RPA3: variants seen among roughly 807,000 people sequenced by gnomAD.
RPA3 encodes replication protein A 14 kDa subunit.
A neutral mutation model predicts 13.7 loss-of-function variants in RPA3; 24 were observed. That is an observed-to-expected ratio of 1.75 (90% CI 1.27 to 2.46). The LOEUF (loss-of-function observed/expected upper bound fraction) is 2.46. Ranked by LOEUF, RPA3 falls within the 30% of genes most tolerant of loss-of-function variation. The pLI is 0.00. For missense variants in RPA3, 183 were observed against 151.0 expected (o/e 1.21, Z -1.11); for synonymous variants, 59 against 51.2 (o/e 1.15, Z -0.65).
At chr7:7,643,546 A>T (rs1232565982) in intron 4 of RPA3, among the ~76,000 whole-genome samples, 2 of 152,172 alleles carry the variant, frequency 1.3e-5, no homozygotes, top group African/African-American at 4.8e-5. Context: ...CCCTGTCTCT[A>T]CTAAATATAC....
chr7:7,693,208 C>A (rs1016263590), intron 2 of RPA3, among the ~76,000 whole-genome samples: 2 of 152,146 alleles, frequency 1.3e-5, no homozygotes, highest in Non-Finnish European at 2.9e-5. Context: ...ACTATTACTA[C>A]TGAAATTGTA....
chr7:7,701,788 C>T (rs898348790), intron 2 of RPA3, among the ~76,000 whole-genome samples: 5 of 152,196 alleles, frequency 3.3e-5, no homozygotes, highest in African/African-American at 1.2e-4. Context: ...ATGGTTATTT[C>T]ATGACAAGCC....
chr7:7,651,890 T>C (rs750882379), intron 4 of RPA3, among the ~76,000 whole-genome samples: 13 of 152,222 alleles, frequency 8.5e-5, no homozygotes, highest in Non-Finnish European at 1.6e-4. Context: ...TTTTCCTGTC[T>C]TGTACTCTGT....
rs762029388 is a variant in RPA3, at chr7:7,639,138, G to C, written c.106C>G (p.Pro36Ala). Residue 36 changes from proline (P) to alanine (A), a missense_variant, in exon 6 of 8, where the codon CCC (proline) becomes GCC (alanine). Physicochemically the swap from Pro to Ala is conservative, Grantham distance 27. Coordinates refer to ENST00000223129, the MANE Select transcript of RPA3 (RefSeq NM_002947.5). The part of the protein sequence containing the change: ...CFVGRLEKIH[P>A]TGKMFILSDG... Reference sequence around the variant, plus strand: ...GAAAGAATAAACATTTTTCCGGTGGGATGAATCTAAAAACGAAACATATAA... The same window carrying C: ...GAAAGAATAAACATTTTTCCGGTGGCATGAATCTAAAAACGAAACATATAA... The C allele has an allele frequency of 6.2e-7, 1 of 1,606,936 alleles. No homozygotes were observed. Among genetic ancestry groups the C allele is most frequent in the African/African-American group, 1.3e-5 (1 of 74,606 alleles).
At chr7:7,658,152 A>G (rs1353735348) in intron 4 of RPA3, among the ~76,000 whole-genome samples, 2 of 152,206 alleles carry the variant, frequency 1.3e-5, no homozygotes, top group Non-Finnish European at 2.9e-5. Flanking sequence ...ATTTTTGCAC[A>G]TTGATTTTGT....
At chr7:7,710,271 A>G (rs1001720533) in intron 2 of RPA3, among the ~76,000 whole-genome samples, 1 of 152,204 alleles carries the variant, frequency 6.6e-6, no homozygotes, top group Non-Finnish European at 1.5e-5. Context: ...AAAACAAAAC[A>G]CCTTGATCTG....
intron 2 of RPA3, among the ~76,000 whole-genome samples, chr7:7,704,701 A>T (rs1435098361): frequency 8.0e-6 from 1 of 124,704 alleles, no homozygotes; most frequent in African/African-American, 3.0e-5. Flanking sequence ...CAGGGGGTGG[A>T]GGTTGCAGTG....
chr7:7,682,545 G>T (rs568252781), intron 4 of RPA3, among the ~76,000 whole-genome samples: 10 of 152,254 alleles, frequency 6.6e-5, no homozygotes, highest in African/African-American at 2.4e-4. Flanking sequence ...AGGAATGAGG[G>T]ACAGTAAGTC....
intron 4 of RPA3, among the ~76,000 whole-genome samples, chr7:7,677,012 T>C (rs1779758098): frequency 2.6e-5 from 4 of 152,158 alleles, no homozygotes; most frequent in Admixed American, 2.0e-4. Context: ...CTGGAAAAAG[T>C]CAAGTAGATC....
At chr7:7,665,319 C>T (rs1315553851) in intron 4 of RPA3, among the ~76,000 whole-genome samples, 2 of 152,324 alleles carry the variant, frequency 1.3e-5, no homozygotes, top group East Asian at 3.9e-4. Flanking sequence ...CTTTTATACG[C>T]AGTCTGTGTA....
chr7:7,711,587 TTTC>T (rs781266220), intron 2 of RPA3, among the ~76,000 whole-genome samples: 7 of 152,162 alleles, frequency 4.6e-5, no homozygotes, highest in East Asian at 3.8e-4. Context: ...TAATTTACAT[TTTC>T]TTGTTTATAA....
intron 4 of RPA3, among the ~76,000 whole-genome samples, chr7:7,651,225 G>T (rs28916280): frequency 0.045 from 6,824 of 152,236 alleles, 236 homozygotes; most frequent in Admixed American, 0.097. Context: ...GAAAGGACAA[G>T]GATCTACAAA....
chr7:7,681,584 A>G (rs1779913758), intron 4 of RPA3, among the ~76,000 whole-genome samples: 1 of 152,172 alleles, frequency 6.6e-6, no homozygotes. Context: ...TAAGAAGGTA[A>G]TAGCTATTCC....
intron 2 of RPA3, among the ~76,000 whole-genome samples, chr7:7,690,568 C>A (rs1337838832): frequency 6.6e-6 from 1 of 151,994 alleles, no homozygotes; most frequent in Non-Finnish European, 1.5e-5. Flanking sequence ...GGGGGTGATG[C>A]CGCACCTAAG....
intron 4 of RPA3, among the ~76,000 whole-genome samples, chr7:7,663,382 C>A (rs59631588): frequency 6.6e-6 from 1 of 151,880 alleles, no homozygotes; most frequent in African/African-American, 2.4e-5. Context: ...AGTTTCCAAG[C>A]TGTTCTGTGG....
At chr7:7,669,327 C>T (rs987419943) in intron 4 of RPA3, among the ~76,000 whole-genome samples, 5 of 152,140 alleles carry the variant, frequency 3.3e-5, no homozygotes, top group African/African-American at 4.8e-5. Context: ...TATTCCCCTT[C>T]GCCTTTCCAG....
At chr7:7,710,885 A>G (rs975898559) in intron 2 of RPA3, among the ~76,000 whole-genome samples, 4 of 152,220 alleles carry the variant, frequency 2.6e-5, no homozygotes, top group African/African-American at 7.2e-5. Context: ...GATATATACA[A>G]CAACCTGGAT....
intron 4 of RPA3, 51 bp downstream of exon 4, chr7:7,685,779 A>G (rs1381580598): frequency 6.6e-6 from 1 of 152,208 alleles, no homozygotes; most frequent in Non-Finnish European, 1.5e-5. Flanking sequence ...AAAAGAAAAA[A>G]ATTTAAGTGT....
chr7:7,648,400 C>A (rs758025969), intron 4 of RPA3, among the ~76,000 whole-genome samples: 1 of 152,070 alleles, frequency 6.6e-6, no homozygotes, highest in Non-Finnish European at 1.5e-5. Flanking sequence ...TTCTTATGTT[C>A]CAGGTGTGTC....
Sources: allele counts gnomAD v4.1 joint callset (sites outside exome capture counted in the v4.1 genomes callset), GRCh38; gene constraint gnomAD v4.1.1; transcripts MANE v1.5; gene names NCBI Gene and HGNC (gene_info 2026-07-23, HGNC 2026-07-21).